OPCML: variants seen among roughly 807,000 people sequenced by gnomAD.
OPCML encodes opioid binding protein/cell adhesion molecule like, also known as opioid-binding protein/cell adhesion molecule.
A neutral mutation model predicts 37.8 loss-of-function variants in OPCML; 13 were observed. The ratio of observed to expected loss-of-function variants is 0.34; its 90% confidence interval spans 0.22 to 0.55. The LOEUF (loss-of-function observed/expected upper bound fraction) is 0.55, where lower values mean the gene tolerates loss of function less well. Ranked by LOEUF, OPCML falls within the 20% of genes least tolerant of loss-of-function variation. The probability of loss-of-function intolerance (pLI) is 0.91; values close to 1 mark genes in which losing one functional copy is unlikely to be tolerated. For missense variants in OPCML, 341 were observed against 435.6 expected (o/e 0.78, Z 1.93); for synonymous variants, 176 against 168.8 (o/e 1.04, Z -0.33).
At chr11:132,464,523 A>G (rs1243927849) in intron 4 of OPCML, among the ~76,000 whole-genome samples, 1 of 152,226 alleles carries the variant, frequency 6.6e-6, no homozygotes, top group Non-Finnish European at 1.5e-5. Flanking sequence ...CAGCGGCTCT[A>G]CAATTATTTG....
chr11:133,102,914 G>A (rs934311570), intron 1 of OPCML, among the ~76,000 whole-genome samples: 2 of 152,132 alleles, frequency 1.3e-5, no homozygotes, highest in African/African-American at 4.8e-5. Flanking sequence ...AGGGAGTGGA[G>A]CCCTAGGAAC....
chr11:133,350,919 G>A (rs1219161764), intron 1 of OPCML, among the ~76,000 whole-genome samples: 1 of 152,194 alleles, frequency 6.6e-6, no homozygotes, highest in Non-Finnish European at 1.5e-5. Flanking sequence ...GGCATAGAGA[G>A]TTGGACGGCA....
intron 1 of OPCML, among the ~76,000 whole-genome samples, chr11:133,204,870 A>ATG (rs1938969652): frequency 9.4e-5 from 1 of 10,690 alleles, no homozygotes; most frequent in Admixed American, 1.1e-3. Flanking sequence ...ATATATGTGT[A>ATG]TATATATATA....
intron 2 of OPCML, among the ~76,000 whole-genome samples, chr11:132,806,468 TCAAA>T (rs914059556): frequency 9.2e-5 from 14 of 152,006 alleles, no homozygotes; most frequent in Non-Finnish European, 1.8e-4. Flanking sequence ...TTTATTGATA[TCAAA>T]CAAAGTAGAA....
At chr11:133,435,860 C>T (rs75341310) in intron 1 of OPCML, among the ~76,000 whole-genome samples, 2,688 of 152,310 alleles carry the variant, frequency 0.018, 52 homozygotes, top group East Asian at 0.056. Context: ...GAGCACATTA[C>T]GCATATTGCA....
At chr11:133,457,313 C>T (rs920965273) in intron 1 of OPCML, among the ~76,000 whole-genome samples, 2 of 152,156 alleles carry the variant, frequency 1.3e-5, no homozygotes, top group Non-Finnish European at 2.9e-5. Flanking sequence ...CAGAAGATCA[C>T]ATAAGCCCAG....
intron 3 of OPCML, among the ~76,000 whole-genome samples, chr11:132,560,648 T>C (rs2096408595): frequency 1.3e-5 from 2 of 152,350 alleles, no homozygotes; most frequent in South Asian, 4.1e-4. Flanking sequence ...TGGTATCACA[T>C]TGTGGTTTTG....
chr11:133,313,791 A>G (rs925864954), intron 1 of OPCML, among the ~76,000 whole-genome samples: 2 of 152,150 alleles, frequency 1.3e-5, no homozygotes, highest in African/African-American at 4.8e-5. Context: ...CCCGAGTTAG[A>G]TTTCTGTGCT....
In OPCML at chr11:132,713,539, C is replaced by T. The variant is rs76159920; in HGVS notation, c.147-56220G>A. On this transcript the variant is annotated intron_variant, in intron 2 of 7. Coordinates refer to ENST00000524381, the MANE Select transcript of OPCML (RefSeq NM_001012393.5). ...AAAGGATCTTATAGAAAACTTCAAACCTAAGTTTTAAATTTCCTATCCTAA... is the reference window on the plus strand; with the variant it reads ...AAAGGATCTTATAGAAAACTTCAAATCTAAGTTTTAAATTTCCTATCCTAA... Among the ~76,000 whole-genome samples the T allele has an allele frequency of 7.7e-3, 1,176 of 152,290 alleles. 10 individuals carry two copies. The highest frequency in any genetic ancestry group is 0.013 in the Non-Finnish European group (902 of 68,012).
chr11:133,282,652 C>A (rs993166151), intron 1 of OPCML, among the ~76,000 whole-genome samples: 45 of 152,286 alleles, frequency 3.0e-4, no homozygotes, highest in African/African-American at 8.2e-4. Flanking sequence ...ACCCTCCAGC[C>A]CCCAGAATGA....
chr11:132,599,107 C>T (rs1937647104), intron 3 of OPCML, among the ~76,000 whole-genome samples: 2 of 152,038 alleles, frequency 1.3e-5, no homozygotes, highest in South Asian at 4.1e-4. Flanking sequence ...AGTGAAACCC[C>T]ATCTCTACTA....
chr11:133,126,094 C>CAT (rs1330410618), intron 1 of OPCML, among the ~76,000 whole-genome samples: 33 of 127,004 alleles, frequency 2.6e-4, no homozygotes, highest in Admixed American at 8.1e-4. Flanking sequence ...CACACACACA[C>CAT]ATATATGAGA....
intron 1 of OPCML, chr11:133,421,834 A>T (rs1400377486): frequency 2.2e-6 from 2 of 908,230 alleles, no homozygotes; most frequent in African/African-American, 3.6e-5. Context: ...AGCAGAAACA[A>T]GCCATCCCTA....
At chr11:133,416,342 A>G (rs1945764842) in intron 1 of OPCML, among the ~76,000 whole-genome samples, 1 of 152,218 alleles carries the variant, frequency 6.6e-6, no homozygotes, top group South Asian at 2.1e-4. Context: ...TCTTGCAGAA[A>G]TAAAGATGTC....
intron 4 of OPCML, among the ~76,000 whole-genome samples, chr11:132,489,036 G>A (rs1260407951): frequency 6.6e-6 from 1 of 152,196 alleles, no homozygotes; most frequent in Admixed American, 6.5e-5. Flanking sequence ...TTTTTTGTAA[G>A]AATATTTAGC....
intron 3 of OPCML, among the ~76,000 whole-genome samples, chr11:132,556,432 C>T (rs927633184): frequency 6.6e-6 from 1 of 152,120 alleles, no homozygotes; most frequent in Non-Finnish European, 1.5e-5. Flanking sequence ...TTTAGAGCTA[C>T]AAGAGACGTT....
In OPCML at chr11:133,133,257, G is replaced by C. The variant is rs538246979; in HGVS notation, c.62-190247C>G. On this transcript the variant is annotated intron_variant, in intron 1 of 7. Coordinates refer to ENST00000524381, the MANE Select transcript of OPCML (RefSeq NM_001012393.5). ...CTGGGTGGCAGGGCGGCTGGAGTCT[G>C]GTTCGGAAGCAGTGTCCTGATTGTG... Among the ~76,000 whole-genome samples, 32 of 152,238 alleles carry C rather than the reference G, an allele frequency of 2.1e-4. No homozygotes were observed. In the South Asian group the frequency reaches 6.0e-3, roughly 29 times the overall value.
chr11:133,157,343 C>A (rs917714570), intron 1 of OPCML, among the ~76,000 whole-genome samples: 2 of 152,148 alleles, frequency 1.3e-5, no homozygotes, highest in Admixed American at 6.5e-5. Context: ...CAGCTGCAGT[C>A]GGAGCTCTCC....
At chr11:132,743,123 A>G (rs1316866426) in intron 2 of OPCML, among the ~76,000 whole-genome samples, 1 of 152,176 alleles carries the variant, frequency 6.6e-6, no homozygotes, top group Non-Finnish European at 1.5e-5. Flanking sequence ...TGACAACGTC[A>G]TGCTCGTGAA....
Sources: gnomAD v4.1 joint callset for allele counts (sites outside exome capture counted in the v4.1 genomes callset) on GRCh38, gnomAD v4.1.1 for gene constraint, MANE v1.5 for transcripts, NCBI Gene and HGNC (gene_info 2026-07-23, HGNC 2026-07-21) for gene names.